Variants in PLIN2 observed in about 807,000 individuals in gnomAD.
PLIN2 encodes the protein perilipin 2.
Under a neutral mutation model 30.6 loss-of-function variants are expected in PLIN2, and 33 were observed. The observed-to-expected ratio is 1.08, with a 90% confidence interval of 0.82 to 1.44. The LOEUF is 1.44. Ranked by LOEUF, PLIN2 falls within the 40% of genes most tolerant of loss-of-function variation. The probability of loss-of-function intolerance (pLI) is 0.00; values close to 1 mark genes in which losing one functional copy is unlikely to be tolerated. For missense variants in PLIN2, 610 were observed against 531.8 expected (o/e 1.15, Z -1.45); for synonymous variants, 205 against 201.1 (o/e 1.02, Z -0.16).
At position 19,120,949 on chromosome 9, in the gene PLIN2, C is replaced by T. The variant is rs754853483; in HGVS notation, c.526G>A (p.Val176Ile). Residue 176 changes from valine to isoleucine, a missense_variant, in exon 5 of 8, where the codon GTA becomes ATA. Val to Ile is a conservative substitution (Grantham distance 29). Coordinates refer to ENST00000276914, the MANE Select transcript of PLIN2 (RefSeq NM_001122.4). The part of the protein sequence containing the change: ...SRMMQLVSSG[V>I]ENALTKSELL... Reference sequence around the variant, plus strand: ...TCTGATTTGGTGAGTGCATTTTCTACGCCACTGCTCACGAGCTGCATCATC... The same window carrying T: ...TCTGATTTGGTGAGTGCATTTTCTATGCCACTGCTCACGAGCTGCATCATC... 31 of 1,613,972 alleles carry T rather than the reference C, an allele frequency of 1.9e-5. No homozygotes were observed. Among genetic ancestry groups the T allele is most frequent in the African/African-American group, 8.0e-5 (6 of 74,938 alleles).
chr9:19,116,523 C>T lies in PLIN2; in HGVS notation c.1039G>A (p.Gly347Arg). Residue 347 changes from glycine (G) to arginine (R), a missense_variant, in exon 8 of 8, where the codon GGG becomes AGG. Gly to Arg is a moderately radical substitution (Grantham distance 125). Transcript: ENST00000276914. ...GAGTAGATGTCGCCTGCCATCACCC[C>T]CATGTGCTTGGCTTGATCTTGGATG... is the stretch of plus-strand genomic sequence containing the variant. ...QNIQDQAKHM[G>R]VMAGDIYSVF... 1 of 1,614,200 alleles carries T rather than the reference C, an allele frequency of 6.2e-7. No homozygotes were observed. Among genetic ancestry groups the T allele is most frequent in the Admixed American group, 1.7e-5 (1 of 60,010 alleles).
At chr9:19,119,223 G>A (rs1003694266) in intron 6 of PLIN2, among the ~76,000 whole-genome samples, 11 of 152,336 alleles carry the variant, frequency 7.2e-5, no homozygotes, top group Middle Eastern at 6.8e-3. Context: ...GTTAGTGGAT[G>A]TGCATTGTTA....
At chr9:19,123,746 C>G in intron 3 of PLIN2, 99 bp from the exon 4 acceptor site, 1 of 1,003,384 alleles carries the variant, frequency 1.0e-6, no homozygotes, top group African/African-American at 1.6e-5. Flanking sequence ...ATGGGCTGGG[C>G]ACGGTGGCTC....
chr9:19,112,711 A>G (rs1004746438), downstream of PLIN2, among the ~76,000 whole-genome samples: 3 of 151,718 alleles, frequency 2.0e-5, no homozygotes, highest in African/African-American at 7.3e-5. Flanking sequence ...ATCTCAAAAA[A>G]AAAAAAAAAA....
chr9:19,126,488 C>A, intron 1 of PLIN2, 40 bp from the exon 2 acceptor site: 1 of 1,318,320 alleles, frequency 7.6e-7, no homozygotes, highest in Non-Finnish European at 1.1e-6. Context: ...CGGGATAAGA[C>A]TCTCCCAAAT....
rs1482224245 is a variant in PLIN2, at chr9:19,116,439, T to TGCTAGAA, written c.1116_1122dup (p.Lys375PhefsTer2). 4 of 1,614,058 alleles carry TGCTAGAA rather than the reference T, an allele frequency of 2.5e-6. No homozygotes were observed. The highest frequency in any genetic ancestry group is 3.4e-6 in the Non-Finnish European group (4 of 1,180,030). On this transcript the variant is annotated stop_gained and frameshift_variant, in exon 8 of 8. Coordinates refer to ENST00000276914, the MANE Select transcript of PLIN2 (RefSeq NM_001122.4). LOFTEE classifies it low-confidence loss of function (END_TRUNC). ...TCCTTCATTTTCTGCAGCTGCCCCT[T>TGCTAGAA]GCTAGAAGTGAGGAGGCTGTCAGAC...
At chr9:19,120,792 T>C in intron 5 of PLIN2, 88 bp downstream of exon 5, 1 of 1,075,484 alleles carries the variant, frequency 9.3e-7, no homozygotes, top group Non-Finnish European at 1.4e-6. Context: ...ACTGTGTAAA[T>C]TTAGACTCAA....
intron 4 of PLIN2, chr9:19,123,130 A>C: frequency 3.8e-6 from 2 of 523,916 alleles, no homozygotes; most frequent in East Asian, 6.2e-5. Context: ...ATCTGAACCA[A>C]AGGATCACCA....
chr9:19,121,273 G>T, intron 4 of PLIN2, 108 bp from the exon 5 acceptor site: 1 of 949,912 alleles, frequency 1.1e-6, no homozygotes, highest in Non-Finnish European at 1.6e-6. Context: ...AAGGAATCTA[G>T]TCCTCTCACT....
rs755564769 is a variant in PLIN2, at chr9:19,126,328, G to C, written c.31-19C>G. ...CCACACTCTGCAATCAAAGTAGGGAGGGTATGCTTATTAATCTCTCAAAAC... is the reference window on the plus strand; with the variant it reads ...CCACACTCTGCAATCAAAGTAGGGACGGTATGCTTATTAATCTCTCAAAAC... On this transcript the variant is annotated intron_variant, in intron 2 of 7. Coordinates refer to ENST00000276914, the MANE Select transcript of PLIN2 (RefSeq NM_001122.4). 7 of 1,613,468 alleles carry C rather than the reference G, an allele frequency of 4.3e-6. No individual in the cohort carries two copies. The highest frequency in any genetic ancestry group is 5.9e-6 in the Non-Finnish European group (7 of 1,179,436).
rs770444911 is a variant in PLIN2, at chr9:19,120,865, T to A, written c.595+15A>T. On this transcript the variant is annotated intron_variant, in intron 5 of 7. Coordinates refer to ENST00000276914, the MANE Select transcript of PLIN2 (RefSeq NM_001122.4). ...TTTAATATAAAACAGTATTTCAAGA[T>A]AAAATTCCAGTTACCTAGTTCTTCC... The A allele has an allele frequency of 6.3e-7, 1 of 1,599,334 alleles. No homozygotes were observed. Among genetic ancestry groups the A allele is most frequent in the Non-Finnish European group, 8.6e-7 (1 of 1,166,776 alleles).
chr9:19,110,879 G>T (rs934432681), downstream of PLIN2, among the ~76,000 whole-genome samples: 2 of 152,122 alleles, frequency 1.3e-5, no homozygotes, highest in Non-Finnish European at 2.9e-5. Context: ...AGGCTCCCTT[G>T]TGAGATTCAA....
At chr9:19,123,713 A>G (rs1296096686) in intron 3 of PLIN2, 66 bp from the exon 4 acceptor site, 1 of 1,383,546 alleles carries the variant, frequency 7.2e-7, no homozygotes, top group East Asian at 2.3e-5. Flanking sequence ...ACATTACCAT[A>G]GGCCTTATAA....
chr9:19,119,651 A>G lies in PLIN2; in HGVS notation c.776T>C (p.Leu259Pro), dbSNP rs1818281107. The G allele has an allele frequency of 1.9e-6, 3 of 1,561,410 alleles. No homozygotes were observed. In the South Asian group the frequency reaches 3.5e-5, roughly 18 times the overall value. ...ACCTTAAAATAAAGTTTTACTCACCAGGTGAACAGTAGAATGGAGCTGAGA... is the reference window on the plus strand; with the variant it reads ...ACCTTAAAATAAAGTTTTACTCACCGGGTGAACAGTAGAATGGAGCTGAGA... ...TISQLHSTVHLIEFARKNVYS... is the reference protein window; with the variant it reads ...TISQLHSTVHPIEFARKNVYS... Residue 259 changes from leucine to proline, a missense_variant and splice_region_variant, in exon 6 of 8, where the codon CTG becomes CCG. Transcript: ENST00000276914.
chr9:19,117,161 TTTTC>T (rs968945697), intron 7 of PLIN2, among the ~76,000 whole-genome samples: 2 of 149,650 alleles, frequency 1.3e-5, no homozygotes, highest in Admixed American at 6.7e-5. Flanking sequence ...CTTTCTTTTC[TTTTC>T]TTTCTTTCTT....
intron 7 of PLIN2, among the ~76,000 whole-genome samples, 191 bp from the exon 8 acceptor site, chr9:19,116,840 G>C (rs1818236329): frequency 6.6e-6 from 1 of 152,152 alleles, no homozygotes; most frequent in African/African-American, 2.4e-5. Flanking sequence ...AGTTTAAGTA[G>C]ATGGCTTCAG....
chr9:19,119,918 C>A, intron 5 of PLIN2, 87 bp from the exon 6 acceptor site: 1 of 824,770 alleles, frequency 1.2e-6, no homozygotes, highest in South Asian at 1.8e-5. Context: ...TCTTGACTTT[C>A]TTACTTCTAC....
chr9:19,116,166 A>G lies in PLIN2; in HGVS notation c.*82T>C. On this transcript the variant is annotated 3_prime_UTR_variant, in exon 8 of 8. Transcript: ENST00000276914. ...ATACTAGCTACTTGCTTCCCAATTT[A>G]GGGTTGCCTAGCAAGTTAATTTCAA... 2 of 1,353,202 alleles carry G rather than the reference A, an allele frequency of 1.5e-6. No individual in the cohort carries two copies. Among genetic ancestry groups the G allele is most frequent in the Non-Finnish European group, 2.0e-6 (2 of 997,526 alleles). The allele number at this position is 1,353,202 out of a possible 1,614,324, so 83.8% of individuals were successfully genotyped here.
rs764950768 is a variant in PLIN2 at position 19,116,581 on chromosome 9, G to A, written c.981C>T (p.Thr327=). ...LTQQLQTTCH[T]LLSNIQGVPQ... ...GTACACCTTGGATGTTGGACAGGAG[G>A]GTGTGGCACGTGGTCTGGAGCTGCT... Residue 327 remains threonine (T), a synonymous_variant, in exon 8 of 8, where the codon ACC becomes ACT. Transcript: ENST00000276914. 1.2e-5 allele frequency: 19 copies of A among 1,613,992 alleles called. No homozygotes were observed. The highest frequency in any genetic ancestry group is 2.2e-5 in the South Asian group (2 of 91,076).
Sources: allele counts gnomAD v4.1 joint callset (sites outside exome capture counted in the v4.1 genomes callset), GRCh38; gene constraint gnomAD v4.1.1; transcripts MANE v1.5; gene names NCBI Gene and HGNC (gene_info 2026-07-23, HGNC 2026-07-21).